Variants in ANO3 observed in about 807,000 individuals in gnomAD.
The protein encoded by ANO3 is anoctamin 3.
ANO3 carries 99 observed loss-of-function variants against 144.8 expected under a neutral mutation model. The ratio of observed to expected loss-of-function variants is 0.68; its 90% CI spans 0.58 to 0.81. The LOEUF (loss-of-function observed/expected upper bound fraction) is 0.81. ANO3 is among the 30% of genes least tolerant of loss of function. ANO3 has a pLI of 0.00. For missense variants in ANO3, 905 were observed against 1,202.2 expected, an observed-to-expected ratio of 0.75 and a Z score of 3.66; for synonymous variants, 414 against 392.6, an observed-to-expected ratio of 1.05 and a Z score of -0.64.
intron 21 of ANO3, 103 bp from the exon 22 acceptor site, chr11:26,641,793 C>T (rs1010238963): frequency 1.2e-5 from 15 of 1,216,494 alleles, no homozygotes; most frequent in East Asian, 5.6e-5. Flanking sequence ...CCTCCAATTC[C>T]GAGGAGCTGG....
intron 13 of ANO3, among the ~76,000 whole-genome samples, chr11:26,558,435 A>G (rs1335767306): frequency 6.6e-6 from 1 of 152,128 alleles, no homozygotes; most frequent in East Asian, 1.9e-4. Flanking sequence ...TTGAGAAACA[A>G]AAATTCTTGA....
intron 1 of ANO3, among the ~76,000 whole-genome samples, chr11:26,373,119 T>C (rs989216428): frequency 6.6e-6 from 1 of 152,134 alleles, no homozygotes; most frequent in Admixed American, 6.5e-5. Context: ...CACACACATA[T>C]AAATGTAAAT....
At chr11:26,516,700 T>G in intron 5 of ANO3, 127 bp from the exon 6 acceptor site, 1 of 512,012 alleles carries the variant, frequency 2.0e-6, no homozygotes, top group Admixed American at 3.8e-5. Flanking sequence ...TATAAATTTC[T>G]TTTAAATCAG....
intron 24 of ANO3, among the ~76,000 whole-genome samples, chr11:26,654,998 C>G (rs2133092708): frequency 6.6e-6 from 1 of 152,150 alleles, no homozygotes. Flanking sequence ...TCTTTCTGCC[C>G]CCACTGCCTC....
intron 1 of ANO3, among the ~76,000 whole-genome samples, chr11:26,343,014 C>G (rs911185888): frequency 2.6e-5 from 4 of 152,140 alleles, no homozygotes; most frequent in African/African-American, 9.7e-5. Context: ...ACCCTCTTAG[C>G]AAATTTCAAG....
intron 4 of ANO3, among the ~76,000 whole-genome samples, chr11:26,473,493 C>T (rs1225135866): frequency 2.6e-5 from 4 of 151,792 alleles, no homozygotes; most frequent in Admixed American, 2.6e-4. Flanking sequence ...TCCATTATAC[C>T]TTTCTCCAGT....
intron 1 of ANO3, among the ~76,000 whole-genome samples, chr11:26,210,467 G>A (rs1267672010): frequency 6.6e-6 from 1 of 152,038 alleles, no homozygotes; most frequent in East Asian, 1.9e-4. Flanking sequence ...GGCTATATGG[G>A]CTCTTTTTGG....
chr11:26,381,152 A>C (rs1856580588), intron 1 of ANO3, among the ~76,000 whole-genome samples: 1 of 152,202 alleles, frequency 6.6e-6, no homozygotes, highest in South Asian at 2.1e-4. Context: ...GTTACAGATC[A>C]GAATGTAATA....
At chr11:26,454,991 G>C (rs1157210933) in intron 3 of ANO3, among the ~76,000 whole-genome samples, 2 of 150,180 alleles carry the variant, frequency 1.3e-5, no homozygotes, top group East Asian at 4.0e-4. Context: ...TATCTCAATA[G>C]ATGCAGAAAA....
At chr11:26,383,888 C>CTTTTTTTTTTTTTT (rs61094091) in intron 1 of ANO3, among the ~76,000 whole-genome samples, 1 of 70,148 alleles carries the variant, frequency 1.4e-5, no homozygotes, top group Non-Finnish European at 2.5e-5. Flanking sequence ...ATGCATTGTT[C>CTTTTTTTTTTTTTT]TTTTTTTTTT....
intron 1 of ANO3, among the ~76,000 whole-genome samples, chr11:26,332,604 G>C (rs1433533965): frequency 6.6e-6 from 1 of 151,842 alleles, no homozygotes; most frequent in African/African-American, 2.4e-5. Context: ...CAGTAAACCC[G>C]CTTAGTAGGG....
intron 11 of ANO3, among the ~76,000 whole-genome samples, chr11:26,542,963 T>A (rs1287372198): frequency 1.3e-5 from 2 of 152,054 alleles, no homozygotes; most frequent in Non-Finnish European, 2.9e-5. Flanking sequence ...GTAAAACGGA[T>A]GGACACTGAA....
chr11:26,648,880 T>C (rs1053589976), intron 24 of ANO3, among the ~76,000 whole-genome samples: 2 of 152,148 alleles, frequency 1.3e-5, no homozygotes, highest in African/African-American at 4.8e-5. Flanking sequence ...AGCCCTGGAA[T>C]AGGAGGAAAT....
At chr11:26,581,380 G>T (rs1267656459) in intron 14 of ANO3, among the ~76,000 whole-genome samples, 1 of 149,918 alleles carries the variant, frequency 6.7e-6, no homozygotes, top group Non-Finnish European at 1.5e-5. Context: ...TGACTCTAGA[G>T]GCAGCAGTCT....
chr11:26,468,976 C>T (rs948265742), intron 4 of ANO3, among the ~76,000 whole-genome samples: 1 of 151,894 alleles, frequency 6.6e-6, no homozygotes, highest in Non-Finnish European at 1.5e-5. Context: ...CAGAAAATCA[C>T]CTTGGCTTAT....
At chr11:26,373,965 A>G (rs757432293) in intron 1 of ANO3, among the ~76,000 whole-genome samples, 10 of 152,138 alleles carry the variant, frequency 6.6e-5, no homozygotes, top group Non-Finnish European at 1.2e-4. Context: ...ACTTATTGCT[A>G]TTTTAATTTT....
At chr11:26,383,564 A>G (rs765304671) in intron 1 of ANO3, among the ~76,000 whole-genome samples, 29 of 152,168 alleles carry the variant, frequency 1.9e-4, no homozygotes, top group South Asian at 6.2e-4. Context: ...ATGACTTTAG[A>G]CTATTACATA....
At chr11:26,479,130 C>T (rs1860101391) in intron 4 of ANO3, among the ~76,000 whole-genome samples, 3 of 152,140 alleles carry the variant, frequency 2.0e-5, no homozygotes, top group Non-Finnish European at 2.9e-5. Context: ...TTTGGATTTT[C>T]AGAACCAGCT....
chr11:26,541,911 A>C (rs1849654781), intron 10 of ANO3, 36 bp from the exon 11 acceptor site: 1 of 1,580,600 alleles, frequency 6.3e-7, no homozygotes. Flanking sequence ...TTCACTAAAA[A>C]ATAGAACCAA....
Sources: allele counts gnomAD v4.1 joint callset (sites outside exome capture counted in the v4.1 genomes callset), GRCh38; gene constraint gnomAD v4.1.1; transcripts MANE v1.5; gene names NCBI Gene and HGNC (gene_info 2026-07-23, HGNC 2026-07-21).